PAQR8: variants seen among roughly 807,000 people sequenced by gnomAD.
PAQR8 encodes progestin and adipoQ receptor family member 8, also known as membrane progestin receptor beta.
A neutral mutation model predicts 25.2 loss-of-function variants in PAQR8; 17 were observed. The ratio of observed to expected loss-of-function variants is 0.67; its 90% CI spans 0.46 to 1.01. The LOEUF (loss-of-function observed/expected upper bound fraction) is 1.01. PAQR8 is among the 50% of genes least tolerant of loss of function. The probability of loss-of-function intolerance (pLI) is 0.00; values close to 1 mark genes in which losing one functional copy is unlikely to be tolerated. For synonymous variants in PAQR8, 204 were observed against 190.6 expected, an observed-to-expected ratio of 1.07 and a Z score of -0.58; for missense variants, 392 against 448.4, an observed-to-expected ratio of 0.87 and a Z score of 1.14.
chr6:52,392,509 T>C (rs920990288), intron 1 of PAQR8, among the ~76,000 whole-genome samples: 2 of 152,208 alleles, frequency 1.3e-5, no homozygotes, highest in African/African-American at 4.8e-5. Flanking sequence ...TTTGGAGTGC[T>C]TCTATTTGTC....
In PAQR8 at chr6:52,375,100, C is replaced by T. The variant is rs59514405; in HGVS notation, c.-53+12851C>T. ...AACGTTTAGTGGGAAAAACAGTAGA[C>T]GACAAGTCACTTAGTTGTCTATAGT... is the stretch of plus-strand genomic sequence containing the variant. On this transcript the variant is annotated intron_variant, in intron 1 of 1. Coordinates refer to ENST00000442253, the MANE Select transcript of PAQR8 (RefSeq NM_133367.5). 0.012 allele frequency among the ~76,000 whole-genome samples: 1,811 copies of T among 152,086 alleles called. 88 individuals carry two copies. In the East Asian group the frequency reaches 0.18, roughly 15 times the overall value.
intron 1 of PAQR8, among the ~76,000 whole-genome samples, chr6:52,377,377 C>T (rs1763497161): frequency 6.6e-6 from 1 of 152,110 alleles, no homozygotes; most frequent in African/African-American, 2.4e-5. Flanking sequence ...CAGGCTTGGA[C>T]TGTCTGCTTT....
At position 52,367,480 on chromosome 6, in the gene PAQR8, A is replaced by T. The variant is rs532903935; in HGVS notation, c.-53+5231A>T. On this transcript the variant is annotated intron_variant, in intron 1 of 1. Transcript: ENST00000442253. ...ATAAGTGTCAACTCTTAGTATCATG[A>T]CTGGTAGATCTAGGTCAAAATCCAA... 2.6e-5 allele frequency among the ~76,000 whole-genome samples: 4 copies of T among 152,370 alleles called. No homozygotes were observed. The South Asian group carries it at 8.3e-4, about 32-fold the overall frequency.
rs5876274 is a variant in PAQR8 at position 52,402,617 on chromosome 6, C to CAAA, written c.-52-529_-52-527dup. ...GGGCAACAAGAGTGAAACTCTGTCT[C>CAAA]AAAAAAAAAAAAAAAAAAGAAAGAA... On this transcript the variant is annotated intron_variant, in intron 1 of 1. Coordinates refer to ENST00000442253, the MANE Select transcript of PAQR8 (RefSeq NM_133367.5). Among the ~76,000 whole-genome samples, 1,020 of 115,826 alleles carry CAAA rather than the reference C, an allele frequency of 8.8e-3. 14 individuals carry two copies. Among genetic ancestry groups the CAAA allele is most frequent in the African/African-American group, 0.032 (925 of 29,226 alleles). The allele number at this position is 115,826 out of a possible 152,430, so 76.0% of individuals were successfully genotyped here.
chr6:52,372,073 G>T (rs185781918), intron 1 of PAQR8, among the ~76,000 whole-genome samples: 3 of 152,214 alleles, frequency 2.0e-5, no homozygotes, highest in Non-Finnish European at 4.4e-5. Flanking sequence ...GATGTAAGTG[G>T]TTTCCTGAAC....
intron 1 of PAQR8, among the ~76,000 whole-genome samples, chr6:52,380,853 A>T (rs978151504): frequency 1.3e-5 from 2 of 152,226 alleles, no homozygotes; most frequent in Admixed American, 1.3e-4. Context: ...GGCTGGTATA[A>T]ACAGGTATCA....
intron 1 of PAQR8, among the ~76,000 whole-genome samples, chr6:52,393,663 G>A (rs576225625): frequency 1.5e-4 from 23 of 152,202 alleles, no homozygotes; most frequent in Non-Finnish European, 2.6e-4. Flanking sequence ...TCATTCATTC[G>A]TTCATTCAGT....
chr6:52,403,828 T>C lies in PAQR8; in HGVS notation c.615T>C (p.Tyr205=). The change falls in exon 2 of 2, where the codon TAT becomes TAC. Residue 205 remains tyrosine, a synonymous_variant. Transcript: ENST00000442253. ...CCAAATATCGTTACCGGAGGCCTTA[T>C]CCAGTCATGAGGAAGATCTGTCAAG... is the stretch of plus-strand genomic sequence containing the variant. ...CYAKYRYRRP[Y]PVMRKICQVV... is the part of the protein sequence containing the mutation. 22 of 1,614,208 alleles carry C rather than the reference T, an allele frequency of 1.4e-5. No individual in the cohort carries two copies. The highest frequency in any genetic ancestry group is 1.9e-5 in the Non-Finnish European group (22 of 1,180,036).
intron 1 of PAQR8, among the ~76,000 whole-genome samples, chr6:52,386,637 G>A (rs1763636143): frequency 6.6e-6 from 1 of 152,158 alleles, no homozygotes; most frequent in Non-Finnish European, 1.5e-5. Flanking sequence ...CATGGACATA[G>A]AGAAGGGAAA....
At chr6:52,382,603 G>T (rs1763574043) in intron 1 of PAQR8, among the ~76,000 whole-genome samples, 1 of 146,028 alleles carries the variant, frequency 6.8e-6, no homozygotes, top group South Asian at 2.2e-4. Context: ...TTGTATCAAG[G>T]TTAAAAATAT....
In PAQR8 at chr6:52,406,528, A is replaced by AAAATT. The variant is rs1175906947; in HGVS notation, c.*2250_*2251insAAATT. 7.3e-6 allele frequency: 3 copies of AAAATT among 413,414 alleles called. No homozygotes were observed. Among genetic ancestry groups the AAAATT allele is most frequent in the African/African-American group, 6.2e-5 (3 of 48,638 alleles). 25.6% of individuals were successfully genotyped at this position (413,414 alleles called of 1,614,324 possible). A position where few individuals can be genotyped will look rare whatever the true frequency, so the allele number is the denominator to read the frequency against. On this transcript the variant is annotated 3_prime_UTR_variant, in exon 2 of 2. Transcript: ENST00000442253. ...ATATTGCCATACAATTTTAATTTAT[A>AAAATT]CAAGTATTGGCCCCTCAAGTGGTTG...
intron 1 of PAQR8, among the ~76,000 whole-genome samples, chr6:52,401,448 TGAA>T (rs1399741885): frequency 2.6e-5 from 4 of 152,236 alleles, no homozygotes; most frequent in Non-Finnish European, 5.9e-5. Flanking sequence ...AGCAGTTTCA[TGAA>T]ATATTTTATG....
At chr6:52,389,652 T>A (rs1175543580) in intron 1 of PAQR8, among the ~76,000 whole-genome samples, 1 of 152,224 alleles carries the variant, frequency 6.6e-6, no homozygotes, top group African/African-American at 2.4e-5. Context: ...ATAAAATTGC[T>A]GGGTCTTAGA....
At chr6:52,381,479 G>A (rs1312790796) in intron 1 of PAQR8, among the ~76,000 whole-genome samples, 1 of 152,244 alleles carries the variant, frequency 6.6e-6, no homozygotes, top group African/African-American at 2.4e-5. Context: ...GTGGTGGTAA[G>A]TGCCTGTAGT....
intron 1 of PAQR8, among the ~76,000 whole-genome samples, chr6:52,370,651 AAAG>A (rs1008308851): frequency 1.3e-5 from 2 of 152,202 alleles, no homozygotes; most frequent in East Asian, 1.9e-4. Context: ...TGAGATCTTG[AAAG>A]AAGAAGAATA....
rs1288924677 is a variant in PAQR8 at position 52,407,213 on chromosome 6, T to C, written c.*2935T>C. The C allele has an allele frequency of 6.0e-6, 1 of 167,072 alleles. No homozygotes were observed. The highest frequency in any genetic ancestry group is 1.5e-5 in the Non-Finnish European group (1 of 68,116). 10.3% of individuals were successfully genotyped at this position (167,072 alleles called of 1,614,324 possible). ...AAAATGTAAATACCTTTGAAAAAACTAAACTATCAGTCATTTACATCCTCT... is the reference window on the plus strand; with the variant it reads ...AAAATGTAAATACCTTTGAAAAAACCAAACTATCAGTCATTTACATCCTCT... On this transcript the variant is annotated 3_prime_UTR_variant, in exon 2 of 2. Transcript: ENST00000442253.
Position 52,397,856 on chromosome 6 carries a change from G to A in PAQR8, c.-52-5306G>A, listed in dbSNP as rs532741336. ...GCTCTCTTACTCAGTGCAGCCACCTGGGAAGGCTGGGAGGCTTCAACATCA... is the reference window on the plus strand; with the variant it reads ...GCTCTCTTACTCAGTGCAGCCACCTAGGAAGGCTGGGAGGCTTCAACATCA... On this transcript the variant is annotated intron_variant, in intron 1 of 1. Coordinates refer to ENST00000442253, the MANE Select transcript of PAQR8 (RefSeq NM_133367.5). 6.0e-4 allele frequency among the ~76,000 whole-genome samples: 92 copies of A among 152,242 alleles called. 1 individual carries two copies. The highest frequency in any genetic ancestry group is 2.1e-3 in the African/African-American group (88 of 41,530).
At chr6:52,399,716 C>T (rs6933615) in intron 1 of PAQR8, among the ~76,000 whole-genome samples, 15,122 of 152,096 alleles carry the variant, frequency 0.099, 1,733 homozygotes, top group African/African-American at 0.28. Context: ...TTCTCCCAGC[C>T]ATAAAATCAG....
At chr6:52,366,811 G>A (rs1763358696) in intron 1 of PAQR8, among the ~76,000 whole-genome samples, 3 of 151,906 alleles carry the variant, frequency 2.0e-5, no homozygotes, top group Non-Finnish European at 2.9e-5. Context: ...GTGCAATGGC[G>A]CAATCTCGGC....
Sources: gnomAD v4.1 joint callset for allele counts (sites outside exome capture counted in the v4.1 genomes callset) on GRCh38, gnomAD v4.1.1 for gene constraint, MANE v1.5 for transcripts, NCBI Gene and HGNC (gene_info 2026-07-23, HGNC 2026-07-21) for gene names.